Variants in NAA15 observed in about 807,000 individuals in gnomAD.
NAA15 encodes N-alpha-acetyltransferase 15, NatA auxiliary subunit.
In NAA15, 34 loss-of-function variants were observed where a neutral mutation model predicts 114.0. The observed-to-expected ratio is 0.30, with a 90% CI of 0.23 to 0.40. NAA15 has a LOEUF of 0.40. Among genes scored for constraint, NAA15 ranks in the 10% least tolerant of loss-of-function variants. The pLI, the probability that NAA15 is intolerant of heterozygous loss-of-function variation, is 1.00. For missense variants in NAA15, 658 were observed against 1,004.5 expected (o/e 0.66, Z 4.66); for synonymous variants, 340 against 338.0 (o/e 1.01, Z -0.06).
chr4:139,373,000 T>C (rs565625863), intron 15 of NAA15, among the ~76,000 whole-genome samples: 1 of 152,190 alleles, frequency 6.6e-6, no homozygotes, highest in African/African-American at 2.4e-5. Flanking sequence ...GATCCTCTCA[T>C]CTCAGCCTCC....
At chr4:139,375,790 A>G (rs1324476608) in intron 15 of NAA15, among the ~76,000 whole-genome samples, 1 of 151,648 alleles carries the variant, frequency 6.6e-6, no homozygotes, top group Non-Finnish European at 1.5e-5. Flanking sequence ...AATTACTATG[A>G]CATTTATGTA....
chr4:139,320,945 C>T (rs1195225827), intron 1 of NAA15, among the ~76,000 whole-genome samples: 1 of 152,150 alleles, frequency 6.6e-6, no homozygotes, highest in Non-Finnish European at 1.5e-5. Context: ...GCCACCTCAC[C>T]CAGCCACCTT....
At chr4:139,385,264 AC>A (rs1748864506) in intron 18 of NAA15, among the ~76,000 whole-genome samples, 1 of 125,948 alleles carries the variant, frequency 7.9e-6, no homozygotes, top group Admixed American at 7.6e-5. Flanking sequence ...TCAAAACAAA[AC>A]CAAACATATA....
intron 19 of NAA15, 42 bp from the exon 20 acceptor site, chr4:139,387,841 CT>C: frequency 4.6e-6 from 7 of 1,505,662 alleles, no homozygotes; most frequent in Non-Finnish European, 6.4e-6. Context: ...CAGTAAGAAC[CT>C]TTTTTTGACC....
At chr4:139,382,069 C>G (rs1331111515) in intron 17 of NAA15, among the ~76,000 whole-genome samples, 1 of 152,044 alleles carries the variant, frequency 6.6e-6, no homozygotes, top group Admixed American at 6.5e-5. Flanking sequence ...TCTCCCCTGC[C>G]CACTAGTCTT....
chr4:139,376,317 C>G (rs964446790), intron 15 of NAA15, 48 bp from the exon 16 acceptor site: 3 of 1,158,530 alleles, frequency 2.6e-6, no homozygotes, highest in Non-Finnish European at 3.8e-6. Flanking sequence ...AAATCACATT[C>G]CCCAAGAACC....
At chr4:139,385,007 C>G (rs200038121) in intron 18 of NAA15, 29 bp downstream of exon 18, 259 of 1,447,490 alleles carry the variant, frequency 1.8e-4, no homozygotes, top group Middle Eastern at 5.6e-4. Flanking sequence ...CCTTAGCCTT[C>G]TAAAACAACT....
intron 13 of NAA15, among the ~76,000 whole-genome samples, chr4:139,361,337 T>C (rs1415260337): frequency 6.6e-6 from 1 of 152,200 alleles, no homozygotes; most frequent in Non-Finnish European, 1.5e-5. Context: ...ATACATCTTA[T>C]AATCCTTTGC....
At chr4:139,333,720 T>C (rs1203708734) in intron 1 of NAA15, among the ~76,000 whole-genome samples, 1 of 152,092 alleles carries the variant, frequency 6.6e-6, no homozygotes, top group Non-Finnish European at 1.5e-5. Flanking sequence ...GGCAACATAG[T>C]GAGTCCCTGT....
chr4:139,303,267 T>A (rs1472158697), intron 1 of NAA15, among the ~76,000 whole-genome samples: 1 of 152,166 alleles, frequency 6.6e-6, no homozygotes, highest in Non-Finnish European at 1.5e-5. Flanking sequence ...AAAGTTACTT[T>A]TAAACCCTTA....
At chr4:139,357,061 A>G (rs1428828069) in intron 10 of NAA15, among the ~76,000 whole-genome samples, 1 of 151,898 alleles carries the variant, frequency 6.6e-6, no homozygotes, top group African/African-American at 2.4e-5. Flanking sequence ...CATCCTGATC[A>G]GTATGCTCTC....
At chr4:139,385,102 G>A (rs1338616319) in intron 18 of NAA15, 124 bp downstream of exon 18, 7 of 809,652 alleles carry the variant, frequency 8.6e-6, no homozygotes, top group Middle Eastern at 4.2e-4. Context: ...CATTGTGATC[G>A]TATGAAAACA....
chr4:139,320,807 C>T (rs192305976), intron 1 of NAA15, among the ~76,000 whole-genome samples: 64 of 152,270 alleles, frequency 4.2e-4, no homozygotes, highest in South Asian at 2.5e-3. Flanking sequence ...AGGTGTGAGC[C>T]TCTGCGTCTG....
At chr4:139,348,953 A>G (rs1380501716) in intron 6 of NAA15, among the ~76,000 whole-genome samples, 1 of 152,250 alleles carries the variant, frequency 6.6e-6, no homozygotes, top group Non-Finnish European at 1.5e-5. Flanking sequence ...AAGAAAAGAC[A>G]GTTAAGCTTA....
At position 139,315,041 on chromosome 4, in the gene NAA15, GTTAGGTTAGGTTAGT is replaced by G. The variant is rs1560952986; in HGVS notation, c.54+13215_54+13229del. Among the ~76,000 whole-genome samples, 12 of 96,546 alleles carry G rather than the reference GTTAGGTTAGGTTAGT, an allele frequency of 1.2e-4. 1 individual carries two copies. Among genetic ancestry groups the G allele is most frequent in the Admixed American group, 1.0e-3 (11 of 10,670 alleles). The allele number at this position is 96,546 out of a possible 152,430, so 63.3% of individuals were successfully genotyped here. ...GTTAGGTTAGGTTAGGTTAGGTTAG[GTTAGGTTAGGTTAGT>G]TTAGTTTAGTTTAGTTTAGTTTTTG... is the stretch of plus-strand genomic sequence containing the variant. On this transcript the variant is annotated intron_variant, in intron 1 of 19. Coordinates refer to ENST00000296543, the MANE Select transcript of NAA15 (RefSeq NM_057175.5).
chr4:139,336,173 A>G (rs1401583604), intron 2 of NAA15, among the ~76,000 whole-genome samples: 1 of 152,228 alleles, frequency 6.6e-6, no homozygotes, highest in Non-Finnish European at 1.5e-5. Context: ...TAAAAGAGAA[A>G]TCAATCAAAT....
intron 11 of NAA15, 38 bp downstream of exon 11, chr4:139,357,593 A>G: frequency 7.5e-7 from 1 of 1,325,140 alleles, no homozygotes; most frequent in East Asian, 2.5e-5. Flanking sequence ...TAAGGTAATG[A>G]GACTTGTCAT....
In NAA15 at chr4:139,359,763, A is replaced by G; in HGVS notation, c.1278A>G (p.Glu426=). 1 of 1,602,372 alleles carries G rather than the reference A, an allele frequency of 6.2e-7. No homozygotes were observed. The change falls in exon 12 of 20, where the codon GAA becomes GAG. Residue 426 remains glutamate, a synonymous_variant. Coordinates refer to ENST00000296543, the MANE Select transcript of NAA15 (RefSeq NM_057175.5). ...ATAAGCATGCTGGAAATATTAAAGA[A>G]GCTGCAAGGTGGATGGATGAGGCCC... ...KIYKHAGNIK[E]AARWMDEAQA...
chr4:139,374,046 A>G (rs1474390310), intron 15 of NAA15, among the ~76,000 whole-genome samples: 1 of 151,944 alleles, frequency 6.6e-6, no homozygotes, highest in Non-Finnish European at 1.5e-5. Flanking sequence ...TTCCTTCCAA[A>G]GGCTATGATT....
Sources: allele counts gnomAD v4.1 joint callset (sites outside exome capture counted in the v4.1 genomes callset), GRCh38; gene constraint gnomAD v4.1.1; transcripts MANE v1.5; gene names NCBI Gene and HGNC (gene_info 2026-07-23, HGNC 2026-07-21).